The following CDKL1 variants were observed in gnomAD, a reference collection of about 807,000 sequenced individuals.
CDKL1 encodes the protein cyclin-dependent kinase-like 1.
In CDKL1, 41 loss-of-function variants were observed where a neutral mutation model predicts 42.0. The observed-to-expected ratio is 0.98, with a 90% CI of 0.76 to 1.27. The LOEUF (loss-of-function observed/expected upper bound fraction) is 1.27. Ranked by LOEUF, CDKL1 falls within the 50% of genes most tolerant of loss-of-function variation. The pLI is 0.00. For synonymous variants in CDKL1, 153 were observed against 158.6 expected, an observed-to-expected ratio of 0.96 and a Z score of 0.26; for missense variants, 394 against 428.4, an observed-to-expected ratio of 0.92 and a Z score of 0.71.
chr14:50,344,921 G>T, intron 4 of CDKL1, 65 bp downstream of exon 4: 1 of 1,327,918 alleles, frequency 7.5e-7, no homozygotes, highest in Non-Finnish European at 1.1e-6. Flanking sequence ...CATAAACTTT[G>T]TACAAGGCTC....
intron 7 of CDKL1, chr14:50,335,675 T>A: frequency 6.7e-7 from 1 of 1,491,522 alleles, no homozygotes; most frequent in Non-Finnish European, 8.9e-7. Context: ...CCAGCCAAGC[T>A]GAGCAAAATA....
At chr14:50,379,271 G>C (rs1161030645) in intron 2 of CDKL1, among the ~76,000 whole-genome samples, 2 of 152,128 alleles carry the variant, frequency 1.3e-5, no homozygotes. Flanking sequence ...GACTCAAGGA[G>C]GGGGAAATAT....
chr14:50,358,925 C>T, intron 3 of CDKL1, 103 bp downstream of exon 3: 9 of 1,143,012 alleles, frequency 7.9e-6, no homozygotes, highest in Non-Finnish European at 1.1e-5. Context: ...CTGGCATGAG[C>T]CACTGCACCC....
rs796913429 is a variant in CDKL1 at position 50,370,069 on chromosome 14, AT to A, written c.169-10921del. On this transcript the variant is annotated intron_variant, in intron 2 of 9. Coordinates refer to ENST00000395834, the MANE Select transcript of CDKL1 (RefSeq NM_004196.7). ...ACATTTGAAATCTACTCTTTTAGCAATTTTTTTTTTTTTCTTTGAGACAGAG... is the reference window on the plus strand; with the variant it reads ...ACATTTGAAATCTACTCTTTTAGCAATTTTTTTTTTTTCTTTGAGACAGAG... Among the ~76,000 whole-genome samples the A allele has an allele frequency of 4.4e-3, 634 of 143,714 alleles. 2 individuals are homozygous for A. Among genetic ancestry groups the A allele is most frequent in the African/African-American group, 9.4e-3 (371 of 39,508 alleles). 94.3% of individuals were successfully genotyped at this position (143,714 alleles called of 152,430 possible).
chr14:50,344,924 C>T (rs1484932358), intron 4 of CDKL1, 62 bp downstream of exon 4: 5 of 1,354,150 alleles, frequency 3.7e-6, no homozygotes, highest in Admixed American at 3.7e-5. Context: ...AAACTTTGTA[C>T]AAGGCTCCAC....
intron 8 of CDKL1, chr14:50,333,428 C>G (rs1314804788): frequency 6.6e-6 from 1 of 152,172 alleles, no homozygotes; most frequent in Non-Finnish European, 1.5e-5. Flanking sequence ...TGACAGTCTA[C>G]AAATACCCAT....
chr14:50,378,839 G>GCCTGTCA (rs1457473323), intron 2 of CDKL1, among the ~76,000 whole-genome samples: 1 of 149,972 alleles, frequency 6.7e-6, no homozygotes, highest in Admixed American at 6.6e-5. Flanking sequence ...GAGACACTGT[G>GCCTGTCA]CCTGTCAAGA....
chr14:50,379,695 C>T (rs1158508432), intron 2 of CDKL1, among the ~76,000 whole-genome samples: 7 of 152,110 alleles, frequency 4.6e-5, no homozygotes, highest in Admixed American at 4.6e-4. Context: ...CTTGCATTGC[C>T]AGAAGAAACT....
At chr14:50,395,139 T>C (rs1322011026) in intron 2 of CDKL1, among the ~76,000 whole-genome samples, 4 of 152,224 alleles carry the variant, frequency 2.6e-5, no homozygotes, top group Non-Finnish European at 4.4e-5. Context: ...ATTCTCTTAA[T>C]AGACTGAGTA....
intron 3 of CDKL1, among the ~76,000 whole-genome samples, chr14:50,351,367 GA>G (rs908936682): frequency 2.6e-4 from 39 of 150,116 alleles, no homozygotes; most frequent in Non-Finnish European, 5.0e-4. Flanking sequence ...ACATTACCAA[GA>G]AAAAAAAATG....
chr14:50,368,202 C>T (rs867148433), intron 2 of CDKL1, among the ~76,000 whole-genome samples: 40 of 152,296 alleles, frequency 2.6e-4, no homozygotes, highest in Middle Eastern at 6.8e-3. Context: ...TCAAGCCAAC[C>T]GCCCACCTCG....
chr14:50,394,474 T>C (rs956590693), intron 2 of CDKL1, among the ~76,000 whole-genome samples: 2 of 152,212 alleles, frequency 1.3e-5, no homozygotes, highest in South Asian at 4.1e-4. Flanking sequence ...TCCATTTAGG[T>C]TCCTTATCTA....
chr14:50,334,624 G>C lies in CDKL1; in HGVS notation c.739-3C>G, dbSNP rs1258316999. 1 of 1,572,846 alleles carries C rather than the reference G, an allele frequency of 6.4e-7. No individual in the cohort carries two copies. The highest frequency in any genetic ancestry group is 1.1e-5 in the South Asian group (1 of 90,282). On this transcript the variant is annotated splice_region_variant and splice_polypyrimidine_tract_variant and intron_variant, in intron 7 of 9. Transcript: ENST00000395834. ...GGGAATTTTAATTCAAGTGGTTCCT[G>C]TTGAAAAGAAAAGAGGTTTTTAATT...
At chr14:50,332,208 A>G (rs1299192627) in intron 9 of CDKL1, 54 bp downstream of exon 9, 3 of 1,614,108 alleles carry the variant, frequency 1.9e-6, no homozygotes, top group African/African-American at 2.7e-5. Context: ...CCTCAAGTCT[A>G]GATTCCAACT....
At position 50,344,975 on chromosome 14, in the gene CDKL1, A is replaced by T; in HGVS notation, c.363+11T>A. On this transcript the variant is annotated intron_variant, in intron 4 of 9. Coordinates refer to ENST00000395834, the MANE Select transcript of CDKL1 (RefSeq NM_004196.7). ...GCCTTGTTGCTTTTCAAAAGAGATC[A>T]TGAGACTTACATTGTGTTTATGGCA... The T allele has an allele frequency of 6.2e-7, 1 of 1,609,970 alleles. No individual in the cohort carries two copies. The highest frequency in any genetic ancestry group is 1.7e-5 in the Admixed American group (1 of 59,972).
At chr14:50,344,543 C>A (rs561408263) in intron 4 of CDKL1, among the ~76,000 whole-genome samples, 1 of 147,800 alleles carries the variant, frequency 6.8e-6, no homozygotes, top group Admixed American at 6.9e-5. Flanking sequence ...GATCTTGACT[C>A]ACTGCAGCCT....
At chr14:50,339,905 C>G (rs1025772068) in intron 6 of CDKL1, among the ~76,000 whole-genome samples, 2 of 152,084 alleles carry the variant, frequency 1.3e-5, no homozygotes, top group Non-Finnish European at 2.9e-5. Context: ...GTGGGAGTTC[C>G]TACTCCAGGG....
At chr14:50,349,120 A>C (rs1463055229) in intron 3 of CDKL1, among the ~76,000 whole-genome samples, 1 of 152,194 alleles carries the variant, frequency 6.6e-6, no homozygotes, top group Non-Finnish European at 1.5e-5. Flanking sequence ...GCACAAAGAG[A>C]ATCTCCTACA....
chr14:50,364,921 G>A (rs1335084744), intron 2 of CDKL1, among the ~76,000 whole-genome samples: 4 of 152,170 alleles, frequency 2.6e-5, no homozygotes, highest in Non-Finnish European at 4.4e-5. Context: ...CTACCGGCCT[G>A]GAGCTTAGAA....
Sources: gnomAD v4.1 joint callset for allele counts (sites outside exome capture counted in the v4.1 genomes callset) on GRCh38, gnomAD v4.1.1 for gene constraint, MANE v1.5 for transcripts, NCBI Gene and HGNC (gene_info 2026-07-23, HGNC 2026-07-21) for gene names.